The following EPPK1 variants were observed in gnomAD, a reference collection of about 807,000 sequenced individuals.
The protein encoded by EPPK1 is epiplakin 1, also known as epiplakin.
For synonymous variants in EPPK1, 1,862 were observed against 1,721.2 expected, an observed-to-expected ratio of 1.08 and a Z score of -2.03; for missense variants, 3,823 against 3,673.3, an observed-to-expected ratio of 1.04 and a Z score of -1.05.
Position 143,873,183 on chromosome 8 carries a change from C to A in EPPK1, c.71G>T (p.Arg24Ile). The part of the protein sequence containing the change: ...TNSTEQASVP[R>I]AMAATLGAGT... ...GGCTCCCAGCGTGGCTGCCATGGCT[C>A]TGGGTACACTGGCCTGCTCTGTGCT... Residue 24 changes from arginine to isoleucine, a missense_variant, in exon 2 of 2, where the codon AGA becomes ATA. By Grantham distance (97) the Arg-to-Ile change is moderately conservative (BLOSUM62 -3). Coordinates refer to ENST00000615648, the MANE Select transcript of EPPK1 (RefSeq NM_031308.4). The A allele has an allele frequency of 6.3e-7, 1 of 1,595,868 alleles. No homozygotes were observed. The highest frequency in any genetic ancestry group is 2.2e-5 in the East Asian group (1 of 44,808).
Position 143,868,617 on chromosome 8 carries a change from T to G in EPPK1, c.4637A>C (p.Glu1546Ala). The change falls in exon 2 of 2, where the codon GAG (glutamate) becomes GCG (alanine). Residue 1546 changes from glutamate to alanine, a missense_variant. Transcript: ENST00000615648. ...CACAGTCGTTGTCCCCTGGCTCAGC[T>G]CGTCCAGCGTCTTCCTGCTGATCAG... is the stretch of plus-strand genomic sequence containing the variant. Reference protein sequence around the residue: ...AQLISRKTLDELSQGTTTVKE... With the variant: ...AQLISRKTLDALSQGTTTVKE... 3 of 1,598,958 alleles carry G rather than the reference T, an allele frequency of 1.9e-6. No homozygotes were observed. Among genetic ancestry groups the G allele is most frequent in the Non-Finnish European group, 2.6e-6 (3 of 1,173,512 alleles).
At position 143,872,222 on chromosome 8, in the gene EPPK1, C is replaced by T; in HGVS notation, c.1032G>A (p.Arg344=). Residue 344 remains arginine (R), a synonymous_variant, in exon 2 of 2, where the codon AGG becomes AGA. Transcript: ENST00000615648. ...GGAGCTCTGGGCTGACCAGGCCCGCCCTGACTGCCTCGTCTACCCACAGCC... is the reference window on the plus strand; with the variant it reads ...GGAGCTCTGGGCTGACCAGGCCCGCTCTGACTGCCTCGTCTACCCACAGCC... The part of the protein sequence containing the change: ...GQRLWVDEAV[R]AGLVSPELHE... The T allele has an allele frequency of 6.2e-7, 1 of 1,609,364 alleles. No individual in the cohort carries two copies. The highest frequency in any genetic ancestry group is 8.5e-7 in the Non-Finnish European group (1 of 1,178,322).
In EPPK1 at chr8:143,872,218, C is replaced by A. The variant is rs782693602; in HGVS notation, c.1036G>T (p.Gly346Cys). 8 of 1,608,950 alleles carry A rather than the reference C, an allele frequency of 5.0e-6. No homozygotes were observed. Among genetic ancestry groups the A allele is most frequent in the Non-Finnish European group, 6.8e-6 (8 of 1,178,142 alleles). Residue 346 changes from glycine (G) to cysteine (C), a missense_variant, in exon 2 of 2, where the codon GGC becomes TGC. Physicochemically the swap from Gly to Cys is radical, Grantham distance 159 (BLOSUM62 -3). Coordinates refer to ENST00000615648, the MANE Select transcript of EPPK1 (RefSeq NM_031308.4). ...TCATGGAGCTCTGGGCTGACCAGGCCCGCCCTGACTGCCTCGTCTACCCAC... is the reference window on the plus strand; with the variant it reads ...TCATGGAGCTCTGGGCTGACCAGGCACGCCCTGACTGCCTCGTCTACCCAC... ...RLWVDEAVRA[G>C]LVSPELHEQL...
Position 143,870,595 on chromosome 8 carries a change from C to A in EPPK1, c.2659G>T (p.Val887Phe), listed in dbSNP as rs782207092. 1 of 1,608,648 alleles carries A rather than the reference C, an allele frequency of 6.2e-7. No individual in the cohort carries two copies. The highest frequency in any genetic ancestry group is 1.1e-5 in the South Asian group (1 of 90,304). Residue 887 changes from valine to phenylalanine, a missense_variant, in exon 2 of 2, where the codon GTC (valine) becomes TTC (phenylalanine). Physicochemically the swap from Val to Phe is conservative, Grantham distance 50 (BLOSUM62 -1). Transcript: ENST00000615648. This position sits in a 1 kb window ranked among gnomAD's most constrained non-coding sequence, Gnocchi z 5.2. ...DIMLPALRSR[V>F]TVHQLLEAGI... ...GCCTCCAGGAGCTGGTGGACGGTGA[C>A]CCGGCTCCGCAGTGCGGGCAGCATG...
Position 143,867,486 on chromosome 8 carries a change from G to A in EPPK1, c.5768C>T (p.Pro1923Leu). Residue 1923 changes from proline (P) to leucine (L), a missense_variant, in exon 2 of 2, where the codon CCT (proline) becomes CTT (leucine). Coordinates refer to ENST00000615648, the MANE Select transcript of EPPK1 (RefSeq NM_031308.4). ...LHEASRKELI[P>L]AAFATWLLEA... Reference sequence around the variant, plus strand: ...CAGCAGCCAAGTCGCAAATGCTGCAGGGATGAGCTCCTTCCTGCTGGCCTC... The same window carrying A: ...CAGCAGCCAAGTCGCAAATGCTGCAAGGATGAGCTCCTTCCTGCTGGCCTC... 6.2e-7 allele frequency: 1 copy of A among 1,612,648 alleles called. No individual in the cohort carries two copies. Among genetic ancestry groups the A allele is most frequent in the South Asian group, 1.1e-5 (1 of 91,080 alleles).
intron 1 of EPPK1, among the ~76,000 whole-genome samples, chr8:143,875,515 G>A (rs1819460985): frequency 6.6e-6 from 1 of 152,264 alleles, no homozygotes; most frequent in African/African-American, 2.4e-5. Context: ...CAGCTCAGCT[G>A]TCCCGAGGGA....
upstream of EPPK1, among the ~76,000 whole-genome samples, chr8:143,878,986 G>T (rs1454161425): frequency 2.0e-5 from 3 of 152,130 alleles, no homozygotes; most frequent in African/African-American, 7.2e-5. Context: ...GCAGTGCCAG[G>T]CCTCACCCCC....
At position 143,868,322 on chromosome 8, in the gene EPPK1, C is replaced by G; in HGVS notation, c.4932G>C (p.Ser1644=). 1 of 1,613,126 alleles carries G rather than the reference C, an allele frequency of 6.2e-7. No homozygotes were observed. Among genetic ancestry groups the G allele is most frequent in the South Asian group, 1.1e-5 (1 of 91,072 alleles). The change falls in exon 2 of 2, where the codon TCG becomes TCC. Residue 1644 remains serine (S), a synonymous_variant. Coordinates refer to ENST00000615648, the MANE Select transcript of EPPK1 (RefSeq NM_031308.4). The part of the protein sequence containing the change: ...FGKETYVKLL[S]AERAVTGYTD... ...TGTAGCCGGTGACGGCGCGCTCGGCCGACAGCAGCTTCACGTAGGTTTCTT... is the reference window on the plus strand; with the variant it reads ...TGTAGCCGGTGACGGCGCGCTCGGCGGACAGCAGCTTCACGTAGGTTTCTT...
At chr8:143,875,543 T>C (rs1368713836) in intron 1 of EPPK1, among the ~76,000 whole-genome samples, 1 of 152,178 alleles carries the variant, frequency 6.6e-6, no homozygotes, top group African/African-American at 2.4e-5. Context: ...CAGGACACAG[T>C]GTCAGGTGGC....
chr8:143,876,052 C>T (rs76331009), intron 1 of EPPK1, among the ~76,000 whole-genome samples: 2,975 of 152,264 alleles, frequency 0.02, 102 homozygotes, highest in African/African-American at 0.068. Context: ...AACACTTCTG[C>T]CAGGGGACAC....
At position 143,871,912 on chromosome 8, in the gene EPPK1, A is replaced by T; in HGVS notation, c.1342T>A (p.Tyr448Asn). 1.2e-6 allele frequency: 2 copies of T among 1,607,108 alleles called. No homozygotes were observed. Among genetic ancestry groups the T allele is most frequent in the Non-Finnish European group, 1.7e-6 (2 of 1,179,602 alleles). The change falls in exon 2 of 2, where the codon TAT becomes AAT. Residue 448 changes from tyrosine (Y) to asparagine (N), a missense_variant. Physicochemically the swap from Tyr to Asn is moderately radical, Grantham distance 143. Transcript: ENST00000615648. ...FSDGTHGGLRYEQLLALCVTD... is the reference protein window; with the variant it reads ...FSDGTHGGLRNEQLLALCVTD... ...ACACAGAGGGCCAGCAGCTGTTCAT[A>T]GCGCAGGCCGCCGTGCGTGCCGTCT...
Position 143,872,120 on chromosome 8 carries a change from G to A in EPPK1, c.1134C>T (p.Phe378=). ...CCACTAGCCCCTTCTTCATGGCCTG[G>A]AAAAGGGGGATTTGGGAGCCACTGA... ...DPFSGSQIPL[F]QAMKKGLVDR... is the part of the protein sequence containing the mutation. Residue 378 remains phenylalanine (F), a synonymous_variant, in exon 2 of 2, where the codon TTC becomes TTT. Transcript: ENST00000615648. 1 of 1,562,644 alleles carries A rather than the reference G, an allele frequency of 6.4e-7. No individual in the cohort carries two copies. Among genetic ancestry groups the A allele is most frequent in the South Asian group, 1.2e-5 (1 of 85,416 alleles).
In EPPK1 at chr8:143,857,466, T is replaced by G. The variant is rs528631596; in HGVS notation, c.*521A>C. 6.5e-6 allele frequency: 1 copy of G among 154,492 alleles called. No individual in the cohort carries two copies. Among genetic ancestry groups the G allele is most frequent in the South Asian group, 2.0e-4 (1 of 4,896 alleles). The allele number at this position is 154,492 out of a possible 1,614,324, so 9.6% of individuals were successfully genotyped here. On this transcript the variant is annotated 3_prime_UTR_variant, in exon 2 of 2. Coordinates refer to ENST00000615648, the MANE Select transcript of EPPK1 (RefSeq NM_031308.4). ...CAGCCAATGGAGAGAATAAAGCCCA[T>G]GCTTTTGGCCAGCACAGCAGCCAGG...
At position 143,870,347 on chromosome 8, in the gene EPPK1, G is replaced by A; in HGVS notation, c.2907C>T (p.Ala969=). The A allele has an allele frequency of 6.4e-7, 1 of 1,556,672 alleles. No individual in the cohort carries two copies. The highest frequency in any genetic ancestry group is 1.4e-5 in the African/African-American group (1 of 73,368). The change falls in exon 2 of 2, where the codon GCC becomes GCT. Residue 969 remains alanine, a synonymous_variant. Coordinates refer to ENST00000615648, the MANE Select transcript of EPPK1 (RefSeq NM_031308.4). The surrounding 1 kb of genome is among the most constrained non-coding windows in gnomAD (Gnocchi z 5.2). ...VALALLEAQA[A]TGTIMDPHSP... Reference sequence around the variant, plus strand: ...TGTGAGGGTCCATGATGGTTCCGGTGGCCGCCTGGGCCTCCAGCAGGGCCA... The same window carrying A: ...TGTGAGGGTCCATGATGGTTCCGGTAGCCGCCTGGGCCTCCAGCAGGGCCA...
Position 143,866,623 on chromosome 8 carries a change from T to C in EPPK1, c.6631A>G (p.Met2211Val), listed in dbSNP as rs782790722. The change falls in exon 2 of 2, where the codon ATG becomes GTG. Residue 2211 changes from methionine to valine, a missense_variant. Coordinates refer to ENST00000615648, the MANE Select transcript of EPPK1 (RefSeq NM_031308.4). ...TAGCGCTTGACGCGGTCGTCCTCCATGAGCTCTTGCGTCGTGCTCCGTCCC... is the reference window on the plus strand; with the variant it reads ...TAGCGCTTGACGCGGTCGTCCTCCACGAGCTCTTGCGTCGTGCTCCGTCCC... ...ETGRSTTQEL[M>V]EDDRVKRYLE... is the part of the protein sequence containing the mutation. The C allele has an allele frequency of 9.9e-6, 16 of 1,610,204 alleles. No homozygotes were observed. The highest frequency in any genetic ancestry group is 2.2e-5 in the East Asian group (1 of 44,832).
chr8:143,868,947 G>A lies in EPPK1; in HGVS notation c.4307C>T (p.Ser1436Leu). The stretch of plus-strand genomic sequence containing the variant: ...GTCGTCCACCTCAAGCACTGTGTCT[G>A]AGGGCAGTGGCAACAGCAACAATCC... ...ETGLLLLPLP[S>L]DTVLEVDDHT... Residue 1436 changes from serine (S) to leucine (L), a missense_variant, in exon 2 of 2, where the codon TCA (serine) becomes TTA (leucine). Physicochemically the swap from Ser to Leu is moderately radical, Grantham distance 145. Transcript: ENST00000615648. The A allele has an allele frequency of 6.2e-7, 1 of 1,610,830 alleles. No homozygotes were observed. The highest frequency in any genetic ancestry group is 8.5e-7 in the Non-Finnish European group (1 of 1,179,834).
chr8:143,877,988 G>A (rs958001625), intron 1 of EPPK1, among the ~76,000 whole-genome samples: 1 of 152,038 alleles, frequency 6.6e-6, no homozygotes, highest in East Asian at 1.9e-4. Context: ...CCTCCCTCCC[G>A]GCAATGTTGC....
chr8:143,871,727 G>T lies in EPPK1; in HGVS notation c.1527C>A (p.Ser509=). 6.2e-7 allele frequency: 1 copy of T among 1,609,068 alleles called. No individual in the cohort carries two copies. The highest frequency in any genetic ancestry group is 8.5e-7 in the Non-Finnish European group (1 of 1,178,650). Residue 509 remains serine, a synonymous_variant, in exon 2 of 2, where the codon TCC becomes TCA. Transcript: ENST00000615648. The stretch of plus-strand genomic sequence containing the variant: ...CCTCAGAGAAGAGCAGCTCCCAGAG[G>T]GACACGGGCCGGCCCCGGAACTTCC... ...SVGKFRGRPV[S]LWELLFSEAI...
Position 143,867,788 on chromosome 8 carries a change from C to G in EPPK1, c.5466G>C (p.Gly1822=). The change falls in exon 2 of 2, where the codon GGG becomes GGC. Residue 1822 remains glycine, a synonymous_variant. Coordinates refer to ENST00000615648, the MANE Select transcript of EPPK1 (RefSeq NM_031308.4). ...ELIQEYGAQS[G]GLEKLLEIIT... is the part of the protein sequence containing the mutation. ...TGATTTCCAGCAATTTCTCCAGGCCCCCACTCTGGGCTCCATACTCCTGGA... is the reference window on the plus strand; with the variant it reads ...TGATTTCCAGCAATTTCTCCAGGCCGCCACTCTGGGCTCCATACTCCTGGA... 1.9e-6 allele frequency: 3 copies of G among 1,613,670 alleles called. No homozygotes were observed. Among genetic ancestry groups the G allele is most frequent in the Non-Finnish European group, 2.5e-6 (3 of 1,179,860 alleles).
Sources: gnomAD v4.1 joint callset for allele counts (sites outside exome capture counted in the v4.1 genomes callset) on GRCh38, gnomAD v4.1.1 for gene constraint, Gnocchi (gnomAD v3.1) non-coding constraint, MANE v1.5 for transcripts, NCBI Gene and HGNC (gene_info 2026-07-23, HGNC 2026-07-21) for gene names.